Variants in DRC10 observed in about 807,000 individuals in gnomAD.
DRC10 encodes dynein regulatory complex subunit 10, also known as IQ domain-containing protein D.
At chr12:113,198,611 C>T in the DRC10 span, among the ~76,000 whole-genome samples, 1 of 151,824 alleles carries the variant, frequency 6.6e-6, no homozygotes, top group South Asian at 2.1e-4. Flanking sequence ...TTAGTGATTG[C>T]CAGGGACAGG....
At chr12:113,208,475 T>G in the DRC10 span, 6 of 547,754 alleles carry the variant, frequency 1.1e-5, no homozygotes, top group Non-Finnish European at 1.3e-5. Context: ...GGCACATGTG[T>G]CAGGCGGGGA....
the DRC10 span, chr12:113,200,809 T>C: frequency 4.6e-6 from 7 of 1,529,506 alleles, no homozygotes; most frequent in Non-Finnish European, 6.1e-6. Flanking sequence ...GTTCTCCTTT[T>C]CCACCTAAGC....
chr12:113,208,145 T>C, the DRC10 span: 206 of 1,613,690 alleles, frequency 1.3e-4, no homozygotes, highest in South Asian at 2.1e-3. Flanking sequence ...AAAGGGGCCA[T>C]GGCGAGAATG....
At chr12:113,198,049 T>C in the DRC10 span, among the ~76,000 whole-genome samples, 8 of 152,094 alleles carry the variant, frequency 5.3e-5, no homozygotes, top group Non-Finnish European at 1.2e-4. Context: ...AAACCCCATC[T>C]CTACTAAAGA....
At chr12:113,196,539 C>T in the DRC10 span, among the ~76,000 whole-genome samples, 1 of 152,186 alleles carries the variant, frequency 6.6e-6, no homozygotes, top group Non-Finnish European at 1.5e-5. Context: ...AAGTCCCTGC[C>T]CGCAACCAAC....
chr12:113,199,861 G>A, the DRC10 span, among the ~76,000 whole-genome samples: 1 of 152,108 alleles, frequency 6.6e-6, no homozygotes, highest in African/African-American at 2.4e-5. Flanking sequence ...TGGGACTATA[G>A]GCACACATCA....
chr12:113,218,518 T>C, the DRC10 span, among the ~76,000 whole-genome samples: 1 of 152,098 alleles, frequency 6.6e-6, no homozygotes, highest in Non-Finnish European at 1.5e-5. Flanking sequence ...CATGGATTAC[T>C]GTAGCCTTGA....
the DRC10 span, among the ~76,000 whole-genome samples, chr12:113,210,661 C>A: frequency 1.3e-5 from 2 of 149,632 alleles, no homozygotes; most frequent in Admixed American, 6.7e-5. Context: ...CTGCTCACCC[C>A]CCAACACCAT....
the DRC10 span, among the ~76,000 whole-genome samples, chr12:113,212,943 T>A: frequency 1.3e-5 from 2 of 152,192 alleles, no homozygotes; most frequent in Non-Finnish European, 2.9e-5. Flanking sequence ...TTGTCATTAA[T>A]TCTGCTGATG....
At chr12:113,200,449 G>A in the DRC10 span, 2 of 802,016 alleles carry the variant, frequency 2.5e-6, no homozygotes, top group Non-Finnish European at 4.2e-6. Flanking sequence ...CCTCCACCAA[G>A]CCACTTCCTG....
the DRC10 span, chr12:113,200,555 C>G: frequency 6.6e-7 from 1 of 1,507,672 alleles, no homozygotes; most frequent in Non-Finnish European, 8.9e-7. Flanking sequence ...CCCCCTCGGC[C>G]CATCCTCGCT....
At chr12:113,206,854 G>A in the DRC10 span, among the ~76,000 whole-genome samples, 4 of 152,060 alleles carry the variant, frequency 2.6e-5, no homozygotes, top group Non-Finnish European at 5.9e-5. Flanking sequence ...GAACCCAGAA[G>A]TTCGAGACCA....
At chr12:113,198,247 C>T in the DRC10 span, among the ~76,000 whole-genome samples, 1 of 151,932 alleles carries the variant, frequency 6.6e-6, no homozygotes, top group East Asian at 1.9e-4. Flanking sequence ...AATTAAAGGA[C>T]AGAAATCAAG....
At chr12:113,215,181 A>G in the DRC10 span, among the ~76,000 whole-genome samples, 9 of 152,150 alleles carry the variant, frequency 5.9e-5, no homozygotes, top group East Asian at 1.7e-3. Flanking sequence ...CTGGGCTTTC[A>G]TTTCCTCATT....
chr12:113,199,859 T>C, the DRC10 span, among the ~76,000 whole-genome samples: 1 of 151,954 alleles, frequency 6.6e-6, no homozygotes, highest in Non-Finnish European at 1.5e-5. Flanking sequence ...GCTGGGACTA[T>C]AGGCACACAT....
chr12:113,195,994 T>C, the DRC10 span: 1 of 1,452,940 alleles, frequency 6.9e-7, no homozygotes, highest in Non-Finnish European at 9.1e-7. Context: ...GCCCCAGCGA[T>C]GCCCCTAAGC....
the DRC10 span, chr12:113,195,777 C>T: frequency 7.4e-6 from 12 of 1,613,810 alleles, no homozygotes; most frequent in East Asian, 4.5e-5. Context: ...GTTGATCTCC[C>T]GCTCTTCCCG....
At chr12:113,203,777 ATTTTTTTTTTTTT>A in the DRC10 span, among the ~76,000 whole-genome samples, 2 of 96,970 alleles carry the variant, frequency 2.1e-5, no homozygotes, top group South Asian at 3.8e-4. Context: ...TGCCCAGCTA[ATTTTTTTTTTTTT>A]TTTTTTTTTT....
At chr12:113,202,967 A>G in the DRC10 span, 2 of 432,768 alleles carry the variant, frequency 4.6e-6, no homozygotes, top group South Asian at 3.2e-5. Flanking sequence ...TGTATGTTAA[A>G]CTAAATACAC....
Sources: gnomAD v4.1 joint callset for allele counts (sites outside exome capture counted in the v4.1 genomes callset) on GRCh38, gnomAD v4.1.1 for gene constraint, MANE v1.5 for transcripts, NCBI Gene and HGNC (gene_info 2026-07-23, HGNC 2026-07-21) for gene names.